The following NTNG1 variants were observed in gnomAD, a reference collection of about 807,000 sequenced individuals.
The protein encoded by NTNG1 is netrin G1, also known as netrin-G1.
In NTNG1, 16 loss-of-function variants were observed where a neutral mutation model predicts 54.0. The ratio of observed to expected loss-of-function variants is 0.30; its 90% CI spans 0.20 to 0.45. The LOEUF (loss-of-function observed/expected upper bound fraction) is 0.45. Ranked by LOEUF, NTNG1 falls within the 20% of genes least tolerant of loss-of-function variation. NTNG1 has a pLI of 1.00. For synonymous variants in NTNG1, 255 were observed against 263.1 expected, an observed-to-expected ratio of 0.97 and a Z score of 0.30; for missense variants, 530 against 678.7, an observed-to-expected ratio of 0.78 and a Z score of 2.43.
intron 5 of NTNG1, chr1:107,410,195 G>A (rs1391749413): frequency 6.6e-6 from 1 of 151,996 alleles, no homozygotes; most frequent in African/African-American, 2.4e-5. Context: ...CATAGCTCAA[G>A]GAAAATAAAT....
intron 2 of NTNG1, among the ~76,000 whole-genome samples, chr1:107,226,680 A>G (rs1468388217): frequency 6.6e-6 from 1 of 152,064 alleles, no homozygotes; most frequent in Non-Finnish European, 1.5e-5. Flanking sequence ...GACTGTCTAT[A>G]CTTTCATTAT....
At chr1:107,280,292 C>G (rs779448652) in intron 2 of NTNG1, among the ~76,000 whole-genome samples, 3 of 149,486 alleles carry the variant, frequency 2.0e-5, no homozygotes, top group Non-Finnish European at 4.4e-5. Context: ...GTTCTCTGCT[C>G]TCTTCTTTGC....
chr1:107,199,229 C>A (rs1283859131), intron 2 of NTNG1, among the ~76,000 whole-genome samples: 1 of 151,506 alleles, frequency 6.6e-6, no homozygotes, highest in Non-Finnish European at 1.5e-5. Context: ...TTTCTTAATT[C>A]TTTTATGTAT....
intron 2 of NTNG1, among the ~76,000 whole-genome samples, chr1:107,184,437 G>C (rs4626915): frequency 0.052 from 7,887 of 152,108 alleles, 661 homozygotes; most frequent in African/African-American, 0.18. Context: ...GTAAATGGCC[G>C]GTTGTTGCCA....
intron 2 of NTNG1, among the ~76,000 whole-genome samples, chr1:107,262,152 T>C (rs12144855): frequency 0.04 from 6,105 of 152,338 alleles, 135 homozygotes; most frequent in Non-Finnish European, 0.052. Flanking sequence ...ACATTAAAAG[T>C]CTTTTACATT....
At position 107,208,456 on chromosome 1, in the gene NTNG1, A is replaced by T. The variant is rs148600191; in HGVS notation, c.246+59617A>T. ...AAAAAAAAAAAAAAGAAAGAAAGAA[A>T]GAAAGAAAAGAAATGGAGGGAATAC... On this transcript the variant is annotated intron_variant, in intron 2 of 7. Coordinates refer to ENST00000370068, the MANE Select transcript of NTNG1 (RefSeq NM_001113226.3). 2.4e-3 allele frequency among the ~76,000 whole-genome samples: 368 copies of T among 151,936 alleles called. 4 individuals carry two copies. Among genetic ancestry groups the T allele is most frequent in the African/African-American group, 8.1e-3 (337 of 41,446 alleles).
chr1:107,362,879 T>C (rs1670378482), intron 3 of NTNG1, among the ~76,000 whole-genome samples: 1 of 152,222 alleles, frequency 6.6e-6, no homozygotes, highest in South Asian at 2.1e-4. Flanking sequence ...GTTTTTATTT[T>C]GGCTGATTAC....
At chr1:107,233,006 C>G (rs1661173723) in intron 2 of NTNG1, among the ~76,000 whole-genome samples, 1 of 152,052 alleles carries the variant, frequency 6.6e-6, no homozygotes, top group Admixed American at 6.6e-5. Flanking sequence ...TTTTTATTAG[C>G]TTTTTATCAT....
At chr1:107,327,584 T>C (rs554918233) in intron 3 of NTNG1, among the ~76,000 whole-genome samples, 1 of 152,272 alleles carries the variant, frequency 6.6e-6, no homozygotes, top group African/African-American at 2.4e-5. Flanking sequence ...AAAATACAAC[T>C]GAAGTTCTTG....
chr1:107,375,348 C>T (rs1671167335), intron 3 of NTNG1, among the ~76,000 whole-genome samples: 1 of 152,174 alleles, frequency 6.6e-6, no homozygotes, highest in Non-Finnish European at 1.5e-5. Flanking sequence ...CTCTCAGAGG[C>T]AATTGTCCCT....
intron 1 of NTNG1, among the ~76,000 whole-genome samples, chr1:107,147,272 G>A (rs1654194492): frequency 6.6e-6 from 1 of 152,024 alleles, no homozygotes; most frequent in South Asian, 2.1e-4. Context: ...CTATTTTTAT[G>A]TGTGCATTTT....
intron 3 of NTNG1, among the ~76,000 whole-genome samples, chr1:107,374,262 C>A (rs2101003216): frequency 6.6e-6 from 1 of 152,226 alleles, no homozygotes; most frequent in Non-Finnish European, 1.5e-5. Context: ...GTTCATGACA[C>A]TCCTTGGATT....
chr1:107,401,716 A>G (rs1050487360), intron 4 of NTNG1, among the ~76,000 whole-genome samples: 16 of 151,008 alleles, frequency 1.1e-4, no homozygotes, highest in Non-Finnish European at 2.4e-4. Context: ...TTGAGGGCTG[A>G]ATAATAAAGT....
intron 2 of NTNG1, among the ~76,000 whole-genome samples, chr1:107,154,811 T>C (rs1324077690): frequency 6.6e-6 from 1 of 151,648 alleles, no homozygotes; most frequent in Non-Finnish European, 1.5e-5. Flanking sequence ...TATGCATATA[T>C]AGTTATTAAT....
chr1:107,298,216 T>C (rs999184223), intron 2 of NTNG1, among the ~76,000 whole-genome samples: 1 of 152,212 alleles, frequency 6.6e-6, no homozygotes, highest in African/African-American at 2.4e-5. Context: ...TCTCAAGTAA[T>C]GCTAGTAGTC....
chr1:107,431,595 A>G (rs1675270524), intron 6 of NTNG1, among the ~76,000 whole-genome samples: 1 of 152,076 alleles, frequency 6.6e-6, no homozygotes. Flanking sequence ...CCCACCAATG[A>G]CTACTGCTCT....
intron 4 of NTNG1, among the ~76,000 whole-genome samples, chr1:107,396,871 G>C (rs975250288): frequency 3.3e-5 from 5 of 152,180 alleles, no homozygotes; most frequent in Non-Finnish European, 2.9e-5. Flanking sequence ...CCACTGGAGA[G>C]GCAGCAGGGG....
chr1:107,348,100 TTTTTTGTTTGCTTTTA>T (rs1278840724), intron 3 of NTNG1, among the ~76,000 whole-genome samples: 7 of 122,838 alleles, frequency 5.7e-5, no homozygotes, highest in East Asian at 4.8e-4. Flanking sequence ...TTTGTTTGCT[TTTTTTGTTTGCTTTTA>T]TTATTATTAT....
At chr1:107,369,502 G>T (rs559811898) in intron 3 of NTNG1, among the ~76,000 whole-genome samples, 2 of 152,138 alleles carry the variant, frequency 1.3e-5, no homozygotes, top group African/African-American at 4.8e-5. Context: ...ATAACTAATT[G>T]CATTGAACAT....
Sources: allele counts gnomAD v4.1 joint callset (sites outside exome capture counted in the v4.1 genomes callset), GRCh38; gene constraint gnomAD v4.1.1; transcripts MANE v1.5; gene names NCBI Gene and HGNC (gene_info 2026-07-23, HGNC 2026-07-21).